Variants in ROBO2 observed in about 807,000 individuals in gnomAD.
ROBO2 encodes the protein roundabout homolog 2.
Under a neutral mutation model 160.8 loss-of-function variants are expected in ROBO2, and 53 were observed. That is an observed-to-expected ratio of 0.33 (90% CI 0.26 to 0.41). ROBO2 has a LOEUF of 0.41. ROBO2 is among the 10% of genes least tolerant of loss of function. The pLI is 1.00. For missense variants in ROBO2, 1,577 were observed against 1,722.4 expected, an observed-to-expected ratio of 0.92 and a Z score of 1.49; for synonymous variants, 664 against 611.7, an observed-to-expected ratio of 1.09 and a Z score of -1.26.
chr3:77,637,538 C>A (rs943216373), intron 24 of ROBO2, among the ~76,000 whole-genome samples: 19 of 152,124 alleles, frequency 1.2e-4, no homozygotes, highest in African/African-American at 4.6e-4. Flanking sequence ...GTCACCACTG[C>A]CTTTCTGCCT....
At chr3:76,133,499 C>A (rs1378165353) in intron 2 of ROBO2, among the ~76,000 whole-genome samples, 2 of 151,862 alleles carry the variant, frequency 1.3e-5, no homozygotes, top group Non-Finnish European at 2.9e-5. Flanking sequence ...AATTGACTCA[C>A]ATGATCACAA....
At chr3:77,545,254 T>G (rs1273233860) in intron 6 of ROBO2, among the ~76,000 whole-genome samples, 4 of 152,106 alleles carry the variant, frequency 2.6e-5, no homozygotes, top group Non-Finnish European at 5.9e-5. Context: ...TAGCCAAAAG[T>G]GTTTACATAA....
chr3:77,146,254 A>G (rs1398152964), intron 2 of ROBO2, among the ~76,000 whole-genome samples: 1 of 152,070 alleles, frequency 6.6e-6, no homozygotes, highest in African/African-American at 2.4e-5. Flanking sequence ...TGAGCTTTGC[A>G]TGTTTGAATT....
chr3:77,135,725 A>G (rs2076225106), intron 2 of ROBO2, among the ~76,000 whole-genome samples: 1 of 152,128 alleles, frequency 6.6e-6, no homozygotes, highest in South Asian at 2.1e-4. Context: ...ATCTTAATAC[A>G]CCAATGTTGA....
intron 2 of ROBO2, among the ~76,000 whole-genome samples, chr3:76,379,672 A>T (rs2076522475): frequency 6.6e-6 from 1 of 152,322 alleles, no homozygotes; most frequent in African/African-American, 2.4e-5. Flanking sequence ...AATATATATA[A>T]TTGCAAGTAG....
chr3:77,639,037 C>A (rs2095309780), intron 24 of ROBO2, among the ~76,000 whole-genome samples: 2 of 151,784 alleles, frequency 1.3e-5, no homozygotes, highest in African/African-American at 4.8e-5. Flanking sequence ...ACCATGAGGG[C>A]CAGGCTAGTC....
intron 2 of ROBO2, among the ~76,000 whole-genome samples, chr3:76,595,712 T>A (rs1324315875): frequency 6.6e-6 from 1 of 152,076 alleles, no homozygotes; most frequent in Non-Finnish European, 1.5e-5. Context: ...TTTTTCTGCC[T>A]TCTTATGAAC....
rs565031013 is a variant in ROBO2, at chr3:77,046,942, G to A, written c.61+6096G>A. The stretch of plus-strand genomic sequence containing the variant: ...TGTTCAAGTCACTAGAATAAAAAAA[G>A]TAGTGTCTGATAAGTAAGAAGTTTG... On this transcript the variant is annotated intron_variant, in intron 1 of 25. Transcript: ENST00000461745. Among the ~76,000 whole-genome samples the A allele has an allele frequency of 2.3e-3, 344 of 152,274 alleles. 2 individuals are homozygous for A. The highest frequency in any genetic ancestry group is 8.1e-3 in the African/African-American group (336 of 41,544).
chr3:77,093,400 T>C (rs1464010076), intron 1 of ROBO2, among the ~76,000 whole-genome samples: 4 of 152,134 alleles, frequency 2.6e-5, no homozygotes, highest in Admixed American at 2.0e-4. Flanking sequence ...TGCTGACAAC[T>C]CAGCTTTATT....
At chr3:76,657,519 GATA>G (rs925149958) in intron 2 of ROBO2, among the ~76,000 whole-genome samples, 92 of 150,634 alleles carry the variant, frequency 6.1e-4, no homozygotes, top group African/African-American at 2.0e-3. Flanking sequence ...GCCAAGACAG[GATA>G]ATCCCTCGAG....
At chr3:76,673,523 A>G (rs1385137251) in intron 2 of ROBO2, among the ~76,000 whole-genome samples, 1 of 152,180 alleles carries the variant, frequency 6.6e-6, no homozygotes, top group Admixed American at 6.5e-5. Context: ...TTTCAGAACC[A>G]TTCATATGTT....
chr3:76,408,530 A>G (rs1263448127), intron 2 of ROBO2, among the ~76,000 whole-genome samples: 1 of 152,120 alleles, frequency 6.6e-6, no homozygotes, highest in Non-Finnish European at 1.5e-5. Context: ...TTCAAAAAAT[A>G]TACTTAAGCA....
At chr3:76,902,538 A>G (rs1396245045) in intron 2 of ROBO2, among the ~76,000 whole-genome samples, 1 of 152,064 alleles carries the variant, frequency 6.6e-6, no homozygotes, top group Non-Finnish European at 1.5e-5. Flanking sequence ...ATATCTCAAA[A>G]CATACTTTGC....
chr3:77,184,348 T>G lies in ROBO2; in HGVS notation c.388+86008T>G, dbSNP rs186016834. ...GCTATGCGTGAAGCACTGTGGGAGATAGAAAGATGAATTAGAAGTGGACTT... is the reference window on the plus strand; with the variant it reads ...GCTATGCGTGAAGCACTGTGGGAGAGAGAAAGATGAATTAGAAGTGGACTT... On this transcript the variant is annotated intron_variant, in intron 2 of 25. Coordinates refer to ENST00000461745, the Ensembl canonical transcript of ROBO2. 6.1e-3 allele frequency among the ~76,000 whole-genome samples: 926 copies of G among 152,050 alleles called. 9 individuals are homozygous for G. Among genetic ancestry groups the G allele is most frequent in the African/African-American group, 0.02 (824 of 41,500 alleles).
chr3:76,817,275 A>G (rs533517907), intron 2 of ROBO2, among the ~76,000 whole-genome samples: 39 of 152,226 alleles, frequency 2.6e-4, no homozygotes, highest in African/African-American at 9.1e-4. Flanking sequence ...GTGCACATAA[A>G]CAAAGAATGG....
At chr3:76,869,935 A>G (rs1430899928) in intron 2 of ROBO2, among the ~76,000 whole-genome samples, 1 of 152,052 alleles carries the variant, frequency 6.6e-6, no homozygotes, top group Non-Finnish European at 1.5e-5. Context: ...GCCCAATACC[A>G]CACAGTTATG....
chr3:77,180,170 G>C (rs1266586571), intron 2 of ROBO2, among the ~76,000 whole-genome samples: 1 of 151,830 alleles, frequency 6.6e-6, no homozygotes, highest in Non-Finnish European at 1.5e-5. Flanking sequence ...CTTGTAAGTG[G>C]TATATGGCAC....
chr3:77,644,040 G>A (rs1340322003), intron 24 of ROBO2, among the ~76,000 whole-genome samples: 3 of 151,560 alleles, frequency 2.0e-5, no homozygotes, highest in Non-Finnish European at 4.4e-5. Flanking sequence ...AGAATAGAGA[G>A]GGAAAGAAAA....
intron 18 of ROBO2, 51 bp from the exon 20 acceptor site, chr3:77,596,572 A>G (rs1418012053): frequency 6.2e-7 from 1 of 1,612,256 alleles, no homozygotes; most frequent in Non-Finnish European, 8.5e-7. Flanking sequence ...ACGAGTGTCA[A>G]AATCTTGCAT....
Sources: allele counts gnomAD v4.1 joint callset (sites outside exome capture counted in the v4.1 genomes callset), GRCh38; gene constraint gnomAD v4.1.1; transcripts MANE v1.5; gene names NCBI Gene and HGNC (gene_info 2026-07-23, HGNC 2026-07-21).